Variants in NPIPB11 observed in about 807,000 individuals in gnomAD.
NPIPB11 encodes nuclear pore complex interacting protein family member B11, also known as nuclear pore complex-interacting protein family member B11.
In NPIPB11, 17 loss-of-function variants were observed where a neutral mutation model predicts 32.8. The ratio of observed to expected loss-of-function variants is 0.52; its 90% CI spans 0.35 to 0.78. NPIPB11 has a LOEUF of 0.78. NPIPB11 is among the 30% of genes least tolerant of loss of function. NPIPB11 has a pLI of 0.01. For missense variants in NPIPB11, 537 were observed against 1,000.4 expected (o/e 0.54, Z 6.25); for synonymous variants, 209 against 398.4 (o/e 0.52, Z 5.66).
rs550520816 is a variant in NPIPB11 at position 29,393,893 on chromosome 16, A to C, written c.249+55T>G. 4.4e-4 allele frequency: 615 copies of C among 1,401,832 alleles called. 2 individuals carry two copies. The African/African-American group carries it at 8.3e-3, about 19-fold the overall frequency. 86.8% of individuals were successfully genotyped at this position (1,401,832 alleles called of 1,614,324 possible). A position where few individuals can be genotyped will look rare whatever the true frequency, so the allele number is the denominator to read the frequency against. Reference sequence around the variant, plus strand: ...CCAGAAATGTGAATTGTTTTATATAATTTATTCTTATTTGTGATTACAAGT... The same window carrying C: ...CCAGAAATGTGAATTGTTTTATATACTTTATTCTTATTTGTGATTACAAGT... On this transcript the variant is annotated intron_variant, in intron 3 of 7. Coordinates refer to ENST00000524087, the Ensembl canonical transcript of NPIPB11.
intron 2 of NPIPB11, chr16:29,397,478 T>G (rs570759405): frequency 3.1e-5 from 41 of 1,340,042 alleles, no homozygotes; most frequent in Non-Finnish European, 4.0e-6. Context: ...CCTAAAGTGC[T>G]GGGATTACAG....
chr16:29,383,605 G>A (rs1223164158), exon 8 of NPIPB11: 1 of 486,160 alleles, frequency 2.1e-6, no homozygotes, highest in Non-Finnish European at 3.3e-6. Flanking sequence ...GCTGAGGGTG[G>A]AAGGGGAGTG....
chr16:29,406,260 G>A (rs1430638392), upstream of NPIPB11, among the ~76,000 whole-genome samples: 3 of 152,268 alleles, frequency 2.0e-5, no homozygotes, highest in Admixed American at 1.3e-4. Context: ...TACTGCATGG[G>A]AGGGCACTGT....
rs1375446940 is a variant in NPIPB11 at position 29,397,073 on chromosome 16, A to G, written c.121-2997T>C. Among the ~76,000 whole-genome samples, 3 of 150,734 alleles carry G rather than the reference A, an allele frequency of 2.0e-5. No homozygotes were observed. The East Asian group carries it at 5.9e-4, about 30-fold the overall frequency. ...GTAATCTGAGCTACTCAGGAGGCTGAGGCAGGACAATTGCTTGAACCCCGG... is the reference window on the plus strand; with the variant it reads ...GTAATCTGAGCTACTCAGGAGGCTGGGGCAGGACAATTGCTTGAACCCCGG... On this transcript the variant is annotated intron_variant, in intron 2 of 7. Coordinates refer to ENST00000524087, the Ensembl canonical transcript of NPIPB11.
At chr16:29,394,655 G>A (rs1157538445) in intron 2 of NPIPB11, among the ~76,000 whole-genome samples, 1 of 151,906 alleles carries the variant, frequency 6.6e-6, no homozygotes, top group Admixed American at 6.6e-5. Context: ...GTCTGGCCTT[G>A]AACTCCTGAC....
chr16:29,401,045 G>C (rs1235321733), intron 2 of NPIPB11, among the ~76,000 whole-genome samples: 7 of 152,066 alleles, frequency 4.6e-5, no homozygotes. Flanking sequence ...GAGTCACCCA[G>C]GGCCATTGGA....
At chr16:29,399,157 A>AC (rs936660936) in intron 2 of NPIPB11, among the ~76,000 whole-genome samples, 8 of 151,358 alleles carry the variant, frequency 5.3e-5, no homozygotes, top group Admixed American at 4.0e-4. Context: ...ACCAGGACAG[A>AC]CCCCCACTGT....
At position 29,402,724 on chromosome 16, in the gene NPIPB11, C is replaced by CTCTCTCTCTCTCTCTGTG. The variant is rs1449821025; in HGVS notation, c.120+958_120+959insCACAGAGAGAGAGAGAGA. 5.0e-5 allele frequency among the ~76,000 whole-genome samples: 6 copies of CTCTCTCTCTCTCTCTGTG among 119,672 alleles called. No homozygotes were observed. In the South Asian group the frequency reaches 1.7e-3, roughly 34 times the overall value. 78.5% of individuals were successfully genotyped at this position (119,672 alleles called of 152,430 possible). ...TCTCTCTCTCTCTCTCTCTCTCTCT[C>CTCTCTCTCTCTCTCTGTG]TGTGTGTGTGTGTGTGTGTGTGTGT... On this transcript the variant is annotated intron_variant, in intron 2 of 7. Transcript: ENST00000524087.
At position 29,393,960 on chromosome 16, in the gene NPIPB11, T is replaced by C. The variant is rs781703247; in HGVS notation, c.237A>G (p.Ile79Met). Residue 79 changes from isoleucine to methionine, a missense_variant, in exon 3 of 8, where the codon ATA becomes ATG. Ile to Met is a conservative substitution (Grantham distance 10, BLOSUM62 1). Coordinates refer to ENST00000524087, the Ensembl canonical transcript of NPIPB11. ...TTAGTATACTCACCCAAAGGTAAAC[T>C]ATCCAGAGGGTAATGACAACTTTAT... is the stretch of plus-strand genomic sequence containing the variant. The C allele has an allele frequency of 6.9e-6, 11 of 1,598,128 alleles. No homozygotes were observed. In the African/African-American group the frequency reaches 1.3e-4, roughly 19 times the overall value.
At chr16:29,389,350 T>A (rs9925244) in intron 5 of NPIPB11, among the ~76,000 whole-genome samples, 65,335 of 126,500 alleles carry the variant, frequency 0.52, 17,064 homozygotes, top group Middle Eastern at 0.68. Flanking sequence ...CGACAGAGCG[T>A]GACTCTATCT....
At chr16:29,405,721 T>C (rs1964099652), upstream of NPIPB11, among the ~76,000 whole-genome samples, 1 of 152,152 alleles carries the variant, frequency 6.6e-6, no homozygotes, top group Non-Finnish European at 1.5e-5. Context: ...CAATGAAATT[T>C]CTACACAACA....
In NPIPB11 at chr16:29,383,192, G is replaced by C. The variant is rs771641157; in HGVS notation, c.1740C>G (p.Ile580Met). The C allele has an allele frequency of 1.0e-5, 16 of 1,589,426 alleles. No individual in the cohort carries two copies. In the Middle Eastern group the frequency reaches 6.9e-4, roughly 69 times the overall value. Reference sequence around the variant, plus strand: ...ACTGCAGATGCTCGGCAGGTGTCTTGATATTATCATCTGCTGAGGGTGGAG... The same window carrying C: ...ACTGCAGATGCTCGGCAGGTGTCTTCATATTATCATCTGCTGAGGGTGGAG... The change falls in exon 8 of 8, where the codon ATC becomes ATG. Residue 580 changes from isoleucine to methionine, a missense_variant. Ile to Met is a conservative substitution (Grantham distance 10). Transcript: ENST00000524087.
intron 2 of NPIPB11, among the ~76,000 whole-genome samples, chr16:29,399,549 A>G (rs1321389659): frequency 6.7e-6 from 1 of 149,520 alleles, no homozygotes; most frequent in Admixed American, 6.7e-5. Context: ...AAATACAAAA[A>G]TTAGCCGGGT....
chr16:29,406,361 T>G (rs1440303096), upstream of NPIPB11, among the ~76,000 whole-genome samples: 3 of 152,286 alleles, frequency 2.0e-5, no homozygotes, highest in Non-Finnish European at 4.4e-5. Context: ...TTTATACAAA[T>G]TTAATATGAT....
At chr16:29,401,391 C>G (rs1007923795) in intron 2 of NPIPB11, among the ~76,000 whole-genome samples, 1 of 152,110 alleles carries the variant, frequency 6.6e-6, no homozygotes, top group African/African-American at 2.4e-5. Context: ...TCTGAGTTCA[C>G]TGCTGATTAC....
At chr16:29,397,215 C>T (rs1389286129) in intron 2 of NPIPB11, among the ~76,000 whole-genome samples, 3 of 147,826 alleles carry the variant, frequency 2.0e-5, no homozygotes, top group East Asian at 2.0e-4. Context: ...AATCAAATGA[C>T]ATTTCACTTT....
intron 2 of NPIPB11, among the ~76,000 whole-genome samples, chr16:29,397,233 T>C (rs1198924301): frequency 6.7e-6 from 1 of 149,360 alleles, no homozygotes; most frequent in Non-Finnish European, 1.5e-5. Context: ...TTTGTTTTGG[T>C]CCACTTTGTT....
upstream of NPIPB11, among the ~76,000 whole-genome samples, chr16:29,405,220 A>T (rs1362289165): frequency 6.6e-5 from 10 of 152,052 alleles, no homozygotes; most frequent in Admixed American, 6.6e-4. Context: ...AATTTCCTAA[A>T]TATGCAAGAA....
At chr16:29,394,343 G>A (rs1249859443) in intron 2 of NPIPB11, among the ~76,000 whole-genome samples, 3 of 151,200 alleles carry the variant, frequency 2.0e-5, no homozygotes, top group Non-Finnish European at 4.4e-5. Flanking sequence ...TGACTTCCCT[G>A]CCTATATTAA....
Sources: allele counts gnomAD v4.1 joint callset (sites outside exome capture counted in the v4.1 genomes callset), GRCh38; gene constraint gnomAD v4.1.1; transcripts MANE v1.5; gene names NCBI Gene and HGNC (gene_info 2026-07-23, HGNC 2026-07-21).